FBRSL1: variants seen among roughly 807,000 people sequenced by gnomAD.
FBRSL1 encodes fibrosin like 1.
A neutral mutation model predicts 89.6 loss-of-function variants in FBRSL1; 51 were observed. The ratio of observed to expected loss-of-function variants is 0.57; its 90% CI spans 0.45 to 0.72. The LOEUF (loss-of-function observed/expected upper bound fraction) is 0.72. Ranked by LOEUF, FBRSL1 falls within the 30% of genes least tolerant of loss-of-function variation. The pLI is 0.00. For synonymous variants in FBRSL1, 779 were observed against 681.1 expected, an observed-to-expected ratio of 1.14 and a Z score of -2.24; for missense variants, 1,618 against 1,451.8, an observed-to-expected ratio of 1.11 and a Z score of -1.86.
At chr12:132,544,738 G>C (rs570827670) in intron 4 of FBRSL1, among the ~76,000 whole-genome samples, 117 of 152,026 alleles carry the variant, frequency 7.7e-4, no homozygotes, top group African/African-American at 2.7e-3. Flanking sequence ...GATGGTGATG[G>C]TTGTGACAAT....
chr12:132,574,252 C>G, intron 12 of FBRSL1, 67 bp from the exon 13 acceptor site: 1 of 1,462,360 alleles, frequency 6.8e-7, no homozygotes, highest in Non-Finnish European at 9.0e-7. Context: ...CGGGCTGTGT[C>G]CCCTGCACCC....
In FBRSL1 at chr12:132,583,303, T is replaced by C. The variant is rs1374814515; in HGVS notation, c.2534T>C (p.Leu845Pro). 8.5e-5 allele frequency: 102 copies of C among 1,206,534 alleles called. No individual in the cohort carries two copies. The highest frequency in any genetic ancestry group is 6.8e-4 in the Middle Eastern group (2 of 2,926). The allele number at this position is 1,206,534 out of a possible 1,614,324, so 74.7% of individuals were successfully genotyped here. A position where few individuals can be genotyped will look rare whatever the true frequency, so the allele number is the denominator to read the frequency against. Residue 845 changes from leucine to proline, a missense_variant, in exon 19 of 19, where the codon CTG becomes CCG. By Grantham distance (98) the Leu-to-Pro change is moderately conservative. Transcript: ENST00000680143. ...PLQLGLGRER[L>P]GAPGFAWEPF... Reference sequence around the variant, plus strand: ...CAGCTCGGCCTGGGCCGCGAGCGCCTGGGCGCGCCGGGCTTCGCGTGGGAG... The same window carrying C: ...CAGCTCGGCCTGGGCCGCGAGCGCCCGGGCGCGCCGGGCTTCGCGTGGGAG...
chr12:132,550,976 G>A, intron 5 of FBRSL1: 1 of 241,592 alleles, frequency 4.1e-6, no homozygotes, highest in Admixed American at 4.8e-5. Context: ...GTAGGCAGGT[G>A]TGGGAAGTCA....
chr12:132,581,870 TCCC>T, intron 17 of FBRSL1, 46 bp downstream of exon 17: 5 of 1,165,432 alleles, frequency 4.3e-6, no homozygotes, highest in Non-Finnish European at 5.5e-6. Flanking sequence ...CCCGCGCCCC[TCCC>T]CCATGCCTGT....
chr12:132,495,333 G>A (rs538455958), intron 1 of FBRSL1, among the ~76,000 whole-genome samples: 5 of 152,214 alleles, frequency 3.3e-5, no homozygotes, highest in Non-Finnish European at 5.9e-5. Context: ...GCCGAGCACC[G>A]CGTGTGGGGC....
At chr12:132,500,056 A>G (rs759183128) in intron 1 of FBRSL1, among the ~76,000 whole-genome samples, 1 of 152,084 alleles carries the variant, frequency 6.6e-6, no homozygotes, top group East Asian at 1.9e-4. Context: ...ATGTACGTGC[A>G]CCCGGGACCC....
At chr12:132,503,046 C>G (rs1459234809) in intron 1 of FBRSL1, among the ~76,000 whole-genome samples, 1 of 151,990 alleles carries the variant, frequency 6.6e-6, no homozygotes, top group Admixed American at 6.6e-5. Context: ...GCCACAGCCT[C>G]CATAGCTCCC....
At chr12:132,559,642 TCCGCCCACC>T (rs1321898506) in intron 5 of FBRSL1, among the ~76,000 whole-genome samples, 3 of 152,114 alleles carry the variant, frequency 2.0e-5, no homozygotes, top group Non-Finnish European at 4.4e-5. Flanking sequence ...GCTCAAGTGA[TCCGCCCACC>T]TCGGCCTCCC....
chr12:132,578,860 T>C (rs923496876), intron 15 of FBRSL1, among the ~76,000 whole-genome samples: 2 of 152,266 alleles, frequency 1.3e-5, no homozygotes, highest in East Asian at 1.9e-4. Context: ...CACATGAGGC[T>C]GGCTTCACAA....
At chr12:132,538,289 C>G (rs1222464067) in intron 4 of FBRSL1, among the ~76,000 whole-genome samples, 1 of 152,234 alleles carries the variant, frequency 6.6e-6, no homozygotes, top group Non-Finnish European at 1.5e-5. Flanking sequence ...TGGCAGCTCT[C>G]AGGGAAAGTT....
At chr12:132,570,648 C>T (rs1220545797) in intron 8 of FBRSL1, 108 bp downstream of exon 8, 5 of 1,010,646 alleles carry the variant, frequency 4.9e-6, no homozygotes, top group South Asian at 3.6e-5. Flanking sequence ...GTGGTCTCTG[C>T]GGACCCTGCG....
intron 2 of FBRSL1, among the ~76,000 whole-genome samples, chr12:132,524,053 A>T (rs1291224576): frequency 6.6e-6 from 1 of 152,206 alleles, no homozygotes; most frequent in Non-Finnish European, 1.5e-5. Flanking sequence ...TCTGCTGCAC[A>T]GGCCGTGCCT....
At position 132,546,732 on chromosome 12, in the gene FBRSL1, T is replaced by C. The variant is rs1472364096; in HGVS notation, c.616-1271T>C. 6.6e-6 allele frequency among the ~76,000 whole-genome samples: 1 copy of C among 152,172 alleles called. No homozygotes were observed. Among genetic ancestry groups the C allele is most frequent in the Non-Finnish European group, 1.5e-5 (1 of 68,002 alleles). ...ACCCCCCCCACAGGCCCACCCCAGC[T>C]GCCCAGCTTCCCCAGGGGTCCCAGC... On this transcript the variant is annotated intron_variant, in intron 4 of 18. Coordinates refer to ENST00000680143, the MANE Select transcript of FBRSL1 (RefSeq NM_001367871.1). This position sits in a 1 kb window ranked among gnomAD's most constrained non-coding sequence, Gnocchi z 4.0.
intron 4 of FBRSL1, among the ~76,000 whole-genome samples, chr12:132,542,277 T>C (rs576993296): frequency 3.0e-4 from 45 of 151,336 alleles, no homozygotes; most frequent in Admixed American, 6.5e-4. Context: ...GGAGGACACA[T>C]GTGCACACTC....
intron 2 of FBRSL1, chr12:132,509,046 G>C: frequency 8.2e-7 from 1 of 1,215,414 alleles, no homozygotes; most frequent in South Asian, 4.2e-5. Flanking sequence ...GGCTCTCCTC[G>C]GCCCCCTTGG....
At chr12:132,582,418 C>G (rs7308900) in intron 18 of FBRSL1, among the ~76,000 whole-genome samples, 152 bp downstream of exon 18, 70,156 of 136,490 alleles carry the variant, frequency 0.51, 17,667 homozygotes, top group East Asian at 0.58. Flanking sequence ...CTTCCCCGTT[C>G]CCCCTCCCCC....
chr12:132,557,522 C>G (rs940950902), intron 5 of FBRSL1, among the ~76,000 whole-genome samples: 2 of 152,192 alleles, frequency 1.3e-5, no homozygotes, highest in Non-Finnish European at 2.9e-5. Context: ...TTTTCGGCCC[C>G]GTTGACCCAG....
chr12:132,509,766 A>G (rs892278038), intron 2 of FBRSL1: 19 of 1,230,948 alleles, frequency 1.5e-5, no homozygotes, highest in Non-Finnish European at 1.8e-5. Context: ...CCAGCCCGGT[A>G]GGGCATCCTC....
chr12:132,525,779 G>A lies in FBRSL1; in HGVS notation c.535G>A (p.Asp179Asn), dbSNP rs765129235. 1.2e-5 allele frequency: 19 copies of A among 1,549,918 alleles called. No homozygotes were observed. The highest frequency in any genetic ancestry group is 2.4e-5 in the East Asian group (1 of 40,898). Residue 179 changes from aspartate to asparagine, a missense_variant, in exon 3 of 19, where the codon GAC becomes AAC. By Grantham distance (23) the Asp-to-Asn change is conservative. Coordinates refer to ENST00000680143, the MANE Select transcript of FBRSL1 (RefSeq NM_001367871.1). ...AGGGGGCGACCGGGACAGTGACGAC[G>A]ACAGCGTCCTCGAAGCCACCAGCTC... is the stretch of plus-strand genomic sequence containing the variant. ...SKGGDRDSDDDSVLEATSSRD... is the reference protein window; with the variant it reads ...SKGGDRDSDDNSVLEATSSRD...
Sources: allele counts gnomAD v4.1 joint callset (sites outside exome capture counted in the v4.1 genomes callset), GRCh38; gene constraint gnomAD v4.1.1; non-coding constraint Gnocchi (gnomAD v3.1); transcripts MANE v1.5; gene names NCBI Gene and HGNC (gene_info 2026-07-23, HGNC 2026-07-21).